EML4: variants seen among roughly 807,000 people sequenced by gnomAD.
EML4 encodes the protein EMAP like 4.
Under a neutral mutation model 129.0 loss-of-function variants are expected in EML4, and 72 were observed. The observed-to-expected ratio is 0.56, with a 90% confidence interval of 0.46 to 0.68. The LOEUF is 0.68. Among genes scored for constraint, EML4 ranks in the 30% least tolerant of loss-of-function variants. The probability of loss-of-function intolerance (pLI) is 0.00; values close to 1 mark genes in which losing one functional copy is unlikely to be tolerated. For missense variants in EML4, 1,363 were observed against 1,190.6 expected (o/e 1.14, Z -2.13); for synonymous variants, 532 against 405.0 (o/e 1.31, Z -3.77).
At chr2:42,203,473 C>G (rs992513520) in intron 1 of EML4, among the ~76,000 whole-genome samples, 1 of 152,044 alleles carries the variant, frequency 6.6e-6, no homozygotes, top group African/African-American at 2.4e-5. Context: ...TGTAATTAAA[C>G]TTATTAATAT....
At chr2:42,259,834 A>G (rs940042283) in intron 3 of EML4, among the ~76,000 whole-genome samples, 9 of 141,986 alleles carry the variant, frequency 6.3e-5, no homozygotes, top group African/African-American at 2.4e-4. Flanking sequence ...GGTTCACACC[A>G]TTCTCCTGCC....
At chr2:42,284,857 A>G (rs1667201643) in intron 9 of EML4, among the ~76,000 whole-genome samples, 154 bp downstream of exon 9, 1 of 152,200 alleles carries the variant, frequency 6.6e-6, no homozygotes, top group South Asian at 2.1e-4. Flanking sequence ...ATTAGGATAT[A>G]AGAACACTTT....
At chr2:42,246,967 T>G (rs370530507) in intron 2 of EML4, among the ~76,000 whole-genome samples, 10 of 152,212 alleles carry the variant, frequency 6.6e-5, no homozygotes, top group Non-Finnish European at 1.2e-4. Context: ...TTAAGAATAA[T>G]TGTAGAATTG....
intron 9 of EML4, 36 bp downstream of exon 9, chr2:42,284,739 G>A: frequency 1.4e-6 from 2 of 1,469,894 alleles, no homozygotes; most frequent in African/African-American, 2.8e-5. Flanking sequence ...TGTACCTAGA[G>A]ACATTGCTGT....
intron 11 of EML4, among the ~76,000 whole-genome samples, chr2:42,290,795 C>T (rs909906085): frequency 2.0e-5 from 3 of 152,050 alleles, no homozygotes; most frequent in African/African-American, 7.2e-5. Context: ...AAAAACCTTA[C>T]TGACAGAAAT....
intron 2 of EML4, among the ~76,000 whole-genome samples, chr2:42,255,604 T>G (rs914963187): frequency 2.6e-5 from 4 of 152,150 alleles, no homozygotes; most frequent in African/African-American, 9.7e-5. Context: ...TGATGACCAG[T>G]GATATTTGCA....
At chr2:42,208,091 T>TA (rs1171518935) in intron 1 of EML4, 6 of 152,188 alleles carry the variant, frequency 3.9e-5, no homozygotes, top group African/African-American at 1.4e-4. Flanking sequence ...AGGTACAAAT[T>TA]ACATTTGTTT....
chr2:42,211,325 A>G (rs979147436), intron 1 of EML4, among the ~76,000 whole-genome samples: 1 of 152,200 alleles, frequency 6.6e-6, no homozygotes, highest in Non-Finnish European at 1.5e-5. Context: ...TCTGTGTTGA[A>G]TAGAATAAAA....
In EML4 at chr2:42,330,203, C is replaced by T. The variant is rs757038053; in HGVS notation, c.2942C>T (p.Ser981Phe). The T allele has an allele frequency of 6.2e-7, 1 of 1,612,870 alleles. No homozygotes were observed. Among genetic ancestry groups the T allele is most frequent in the Non-Finnish European group, 8.5e-7 (1 of 1,179,752 alleles). Reference protein sequence around the residue: ...LEDQQDPSPSS With the variant: ...LEDQQDPSPSF ...GACCAGCAAGACCCTTCGCCCTCGT[C>T]CTAACACCCTGGCTTCAGTGCAACT... The change falls in exon 23 of 23, where the codon TCC (serine) becomes TTC (phenylalanine). Residue 981 changes from serine (S) to phenylalanine (F), a missense_variant. Transcript: ENST00000318522.
intron 1 of EML4, among the ~76,000 whole-genome samples, chr2:42,229,533 G>T (rs1312410046): frequency 6.6e-6 from 1 of 152,022 alleles, no homozygotes. Flanking sequence ...ACAGATAACT[G>T]TCTTGCAAGA....
intron 22 of EML4, 124 bp downstream of exon 22, chr2:42,329,140 T>G: frequency 1.1e-6 from 1 of 925,142 alleles, no homozygotes; most frequent in Non-Finnish European, 1.6e-6. Flanking sequence ...CAGAGGGAGA[T>G]AAGGGCCATC....
At chr2:42,213,416 T>C (rs564294024) in intron 1 of EML4, among the ~76,000 whole-genome samples, 2 of 152,346 alleles carry the variant, frequency 1.3e-5, no homozygotes, top group African/African-American at 4.8e-5. Flanking sequence ...TCCATAGCTA[T>C]GTGGAGTTTT....
chr2:42,318,183 A>G (rs1669339982), intron 19 of EML4, among the ~76,000 whole-genome samples: 2 of 152,236 alleles, frequency 1.3e-5, no homozygotes, highest in African/African-American at 4.8e-5. Context: ...AGGAAGAGAA[A>G]GGTAGGCAGT....
At chr2:42,256,696 C>G (rs981069613) in intron 3 of EML4, 66 bp downstream of exon 3, 7 of 1,569,776 alleles carry the variant, frequency 4.5e-6, no homozygotes, top group Non-Finnish European at 6.1e-6. Flanking sequence ...AGAGATCTCC[C>G]TTTAGAAAGA....
intron 1 of EML4, among the ~76,000 whole-genome samples, chr2:42,241,412 T>A (rs1675024644): frequency 6.6e-6 from 1 of 151,934 alleles, no homozygotes; most frequent in African/African-American, 2.4e-5. Flanking sequence ...AACTTGAGAG[T>A]GAAAGAGGGG....
At chr2:42,269,529 A>G (rs576756288) in intron 6 of EML4, among the ~76,000 whole-genome samples, 28 of 152,334 alleles carry the variant, frequency 1.8e-4, no homozygotes, top group African/African-American at 6.0e-4. Flanking sequence ...TAAATACTTC[A>G]TATGTCAGGA....
intron 4 of EML4, among the ~76,000 whole-genome samples, chr2:42,261,675 A>C (rs969328523): frequency 1.3e-5 from 2 of 152,122 alleles, no homozygotes; most frequent in Non-Finnish European, 2.9e-5. Context: ...AATTGTCCTC[A>C]CTGTATTTTG....
intron 2 of EML4, among the ~76,000 whole-genome samples, chr2:42,251,019 A>G (rs1037635613): frequency 6.6e-6 from 1 of 152,134 alleles, no homozygotes; most frequent in African/African-American, 2.4e-5. Context: ...TAATACCGCC[A>G]CTGATCTGAC....
chr2:42,284,329 T>C (rs1383242935), intron 8 of EML4, among the ~76,000 whole-genome samples: 2 of 152,256 alleles, frequency 1.3e-5, no homozygotes, highest in Non-Finnish European at 2.9e-5. Flanking sequence ...GTGTGATTTG[T>C]ATGCCATTGT....
Sources: allele counts gnomAD v4.1 joint callset (sites outside exome capture counted in the v4.1 genomes callset), GRCh38; gene constraint gnomAD v4.1.1; transcripts MANE v1.5; gene names NCBI Gene and HGNC (gene_info 2026-07-23, HGNC 2026-07-21).